Variants in UNC13C observed in about 807,000 individuals in gnomAD.
The protein encoded by UNC13C is unc-13 homolog C, also known as protein unc-13 homolog C.
Under a neutral mutation model 245.4 loss-of-function variants are expected in UNC13C, and 174 were observed. The ratio of observed to expected loss-of-function variants is 0.71; its 90% CI spans 0.63 to 0.80. The LOEUF (loss-of-function observed/expected upper bound fraction) is 0.80, where lower values mean the gene tolerates loss of function less well. Ranked by LOEUF, UNC13C falls within the 30% of genes least tolerant of loss-of-function variation. The pLI is 0.00. For missense variants in UNC13C, 2,829 were observed against 2,602.9 expected, an observed-to-expected ratio of 1.09 and a Z score of -1.89; for synonymous variants, 992 against 895.1, an observed-to-expected ratio of 1.11 and a Z score of -1.93.
intron 13 of UNC13C, chr15:54,321,052 C>A: frequency 2.1e-6 from 1 of 471,790 alleles, no homozygotes; most frequent in Admixed American, 2.3e-5. Flanking sequence ...TGTTATTCCC[C>A]CGAAACCGCC....
At chr15:54,263,599 C>A (rs1306780017) in intron 8 of UNC13C, among the ~76,000 whole-genome samples, 1 of 152,090 alleles carries the variant, frequency 6.6e-6, no homozygotes, top group South Asian at 2.1e-4. Context: ...AAAGAGAGTT[C>A]GAGTCGGTGT....
At chr15:54,107,454 G>T (rs571244634) in intron 2 of UNC13C, among the ~76,000 whole-genome samples, 5 of 152,268 alleles carry the variant, frequency 3.3e-5, no homozygotes, top group African/African-American at 1.2e-4. Flanking sequence ...ATAAGGAGGT[G>T]CCCGGCATTG....
intron 4 of UNC13C, among the ~76,000 whole-genome samples, chr15:54,150,030 T>A (rs956164591): frequency 6.6e-6 from 1 of 152,228 alleles, no homozygotes; most frequent in African/African-American, 2.4e-5. Flanking sequence ...CTCCTATGGA[T>A]ACCAAAGGAT....
chr15:54,005,735 T>G (rs1895105800), intron 1 of UNC13C, among the ~76,000 whole-genome samples: 1 of 152,224 alleles, frequency 6.6e-6, no homozygotes, highest in Non-Finnish European at 1.5e-5. Context: ...TTGAATGATT[T>G]GGAACAGATT....
intron 19 of UNC13C, among the ~76,000 whole-genome samples, chr15:54,421,642 G>A (rs967766991): frequency 6.6e-6 from 1 of 152,062 alleles, no homozygotes; most frequent in Non-Finnish European, 1.5e-5. Flanking sequence ...CTAGAAAACC[G>A]CTGTGTGGAA....
chr15:53,877,029 T>A, the UNC13C span, among the ~76,000 whole-genome samples: 2 of 152,200 alleles, frequency 1.3e-5, no homozygotes, highest in African/African-American at 4.8e-5. Flanking sequence ...TGGAATTTCA[T>A]CTTGATCTAA....
At chr15:54,335,955 T>C (rs1178947731) in intron 16 of UNC13C, among the ~76,000 whole-genome samples, 1 of 152,132 alleles carries the variant, frequency 6.6e-6, no homozygotes, top group East Asian at 1.9e-4. Context: ...TATGTATGTA[T>C]GTATGTATAT....
chr15:54,583,148 A>G (rs939389), intron 30 of UNC13C, among the ~76,000 whole-genome samples: 60,032 of 151,618 alleles, frequency 0.4, 12,370 homozygotes, highest in East Asian at 0.67. Flanking sequence ...CTCACGCCAC[A>G]CCATTCCTAT....
chr15:54,209,103 C>G (rs2034801021), intron 4 of UNC13C, among the ~76,000 whole-genome samples: 1 of 152,020 alleles, frequency 6.6e-6, no homozygotes, highest in Admixed American at 6.6e-5. Context: ...TCTTTTAGGC[C>G]CTCTGCTCCT....
At chr15:54,044,841 C>A (rs748281015) in intron 2 of UNC13C, among the ~76,000 whole-genome samples, 4 of 151,976 alleles carry the variant, frequency 2.6e-5, no homozygotes, top group African/African-American at 9.6e-5. Flanking sequence ...GGTGTTTTTC[C>A]GTGTGCTTAT....
At chr15:54,541,666 G>A (rs1896251192) in intron 26 of UNC13C, among the ~76,000 whole-genome samples, 1 of 152,044 alleles carries the variant, frequency 6.6e-6, no homozygotes, top group Admixed American at 6.6e-5. Flanking sequence ...AAGCCTCTGT[G>A]CCTGTTTTTG....
intron 10 of UNC13C, among the ~76,000 whole-genome samples, chr15:54,288,705 C>G (rs767206668): frequency 2.0e-5 from 3 of 152,038 alleles, no homozygotes; most frequent in African/African-American, 7.2e-5. Context: ...CACCAACAAC[C>G]TCTTTAGCTT....
the UNC13C span, among the ~76,000 whole-genome samples, chr15:53,921,408 T>C: frequency 6.6e-6 from 1 of 152,342 alleles, no homozygotes; most frequent in East Asian, 1.9e-4. Context: ...TCTGTAACTT[T>C]ATGTCAGTAA....
chr15:54,626,580 G>A (rs925814735), intron 32 of UNC13C, among the ~76,000 whole-genome samples: 1 of 152,070 alleles, frequency 6.6e-6, no homozygotes, highest in African/African-American at 2.4e-5. Flanking sequence ...AGGAGATTCT[G>A]CCTCGACTGA....
chr15:54,343,823 T>G (rs1283568473), intron 17 of UNC13C, among the ~76,000 whole-genome samples: 1 of 152,136 alleles, frequency 6.6e-6, no homozygotes, highest in Non-Finnish European at 1.5e-5. Context: ...AAGTGGGAAT[T>G]TATAGCCAAG....
intron 4 of UNC13C, among the ~76,000 whole-genome samples, chr15:54,229,405 T>A (rs1479049031): frequency 6.6e-6 from 1 of 152,196 alleles, no homozygotes; most frequent in African/African-American, 2.4e-5. Flanking sequence ...AGAAGATGAT[T>A]GCTAGAGGCT....
Position 54,110,145 on chromosome 15 carries a change from T to C in UNC13C, c.2984-32873T>C, listed in dbSNP as rs574693432. On this transcript the variant is annotated intron_variant, in intron 2 of 32. Transcript: ENST00000260323. ...ATATAAAAAAATTAGCCAGGCCTGG[T>C]AGCACACACCTATAATCATAGCTAC... Among the ~76,000 whole-genome samples the C allele has an allele frequency of 5.3e-5, 8 of 151,996 alleles. No individual in the cohort carries two copies. The South Asian group carries it at 1.7e-3, about 32-fold the overall frequency.
At chr15:54,271,855 T>G (rs1332928817) in intron 10 of UNC13C, among the ~76,000 whole-genome samples, 1 of 152,224 alleles carries the variant, frequency 6.6e-6, no homozygotes, top group African/African-American at 2.4e-5. Context: ...GTATTCTACG[T>G]ATGTAACCGA....
upstream of UNC13C, among the ~76,000 whole-genome samples, chr15:53,977,349 ATC>A (rs1462468630): frequency 4.2e-4 from 64 of 152,306 alleles, no homozygotes; most frequent in African/African-American, 1.2e-3. Flanking sequence ...AAAATGCTAT[ATC>A]CGGTTTAACT....
Sources: gnomAD v4.1 joint callset for allele counts (sites outside exome capture counted in the v4.1 genomes callset) on GRCh38, gnomAD v4.1.1 for gene constraint, MANE v1.5 for transcripts, NCBI Gene and HGNC (gene_info 2026-07-23, HGNC 2026-07-21) for gene names.